The following MIPEP variants were observed in gnomAD, a reference collection of about 807,000 sequenced individuals.
The protein encoded by MIPEP is mitochondrial intermediate peptidase.
In MIPEP, 79 loss-of-function variants were observed where a neutral mutation model predicts 90.3. The observed-to-expected ratio is 0.87, with a 90% confidence interval of 0.73 to 1.05. The LOEUF (loss-of-function observed/expected upper bound fraction) is 1.05. Ranked by LOEUF, MIPEP falls within the 50% of genes least tolerant of loss-of-function variation. MIPEP has a pLI of 0.00. For missense variants in MIPEP, 940 were observed against 905.6 expected (o/e 1.04, Z -0.49); for synonymous variants, 334 against 315.8 (o/e 1.06, Z -0.61).
At chr13:23,842,660 G>C (rs1869351037) in intron 10 of MIPEP, 2 of 152,326 alleles carry the variant, frequency 1.3e-5, no homozygotes, top group South Asian at 4.1e-4. Context: ...TCCTGGGCCT[G>C]GTGCAGTGGG....
rs527374715 is a variant in MIPEP at position 23,733,140 on chromosome 13, A to C, written c.2045-2695T>G. On this transcript the variant is annotated intron_variant, in intron 18 of 18. Coordinates refer to ENST00000382172, the MANE Select transcript of MIPEP (RefSeq NM_005932.4). Reference sequence around the variant, plus strand: ...GAATATTTGAAAAATTTTAACATAAAATCTTGAGAAAAAGTAAACTGTAGA... The same window carrying C: ...GAATATTTGAAAAATTTTAACATAACATCTTGAGAAAAAGTAAACTGTAGA... Among the ~76,000 whole-genome samples the C allele has an allele frequency of 6.2e-4, 94 of 152,330 alleles. 1 individual carries two copies. Among genetic ancestry groups the C allele is most frequent in the Non-Finnish European group, 6.5e-4 (44 of 68,038 alleles).
At position 23,839,660 on chromosome 13, in the gene MIPEP, T is replaced by C; in HGVS notation, c.1327A>G (p.Lys443Glu). 6.2e-7 allele frequency: 1 copy of C among 1,612,914 alleles called. No individual in the cohort carries two copies. The highest frequency in any genetic ancestry group is 8.5e-7 in the Non-Finnish European group (1 of 1,179,360). The change falls in exon 12 of 19, where the codon AAA becomes GAA. Residue 443 changes from lysine to glutamate, a missense_variant. Physicochemically the swap from Lys to Glu is moderately conservative, Grantham distance 56. Transcript: ENST00000382172. Reference protein sequence around the residue: ...IYCDFFQRADKPHQDCHFTIR... With the variant: ...IYCDFFQRADEPHQDCHFTIR... ...AAAGAAAGGATCACCTGATGTGGTT[T>C]GTCTGCTCGCTGAAAAAAATCACAG... is the stretch of plus-strand genomic sequence containing the variant.
At chr13:23,856,412 A>C (rs1019399263) in intron 10 of MIPEP, among the ~76,000 whole-genome samples, 2 of 152,224 alleles carry the variant, frequency 1.3e-5, no homozygotes, top group African/African-American at 4.8e-5. Flanking sequence ...GTAAAACAAA[A>C]GTAGGTTGTG....
chr13:23,836,351 T>C lies in MIPEP; in HGVS notation c.1544-2A>G. 1 of 1,543,536 alleles carries C rather than the reference T, an allele frequency of 6.5e-7. No individual in the cohort carries two copies. The highest frequency in any genetic ancestry group is 2.2e-5 in the Admixed American group (1 of 45,656). On this transcript the variant is annotated splice_acceptor_variant, in intron 13 of 18. Coordinates refer to ENST00000382172, the MANE Select transcript of MIPEP (RefSeq NM_005932.4). LOFTEE classifies it high-confidence loss of function. The stretch of plus-strand genomic sequence containing the variant: ...CAAAATCAGTAGGGCACCTGGTCCC[T>C]AAAACAAGAAAAAAAAAAAAGTTGG...
intron 10 of MIPEP, among the ~76,000 whole-genome samples, chr13:23,857,119 G>T (rs1324627495): frequency 6.6e-6 from 1 of 151,902 alleles, no homozygotes; most frequent in Non-Finnish European, 1.5e-5. Flanking sequence ...TCTTTAACAG[G>T]TGAAACAACC....
At chr13:23,828,373 G>C (rs188521982) in intron 14 of MIPEP, among the ~76,000 whole-genome samples, 1 of 152,140 alleles carries the variant, frequency 6.6e-6, no homozygotes, top group South Asian at 2.1e-4. Context: ...GGTTGGAAAG[G>C]AAAAATAAAG....
chr13:23,730,237 C>A lies in MIPEP; in HGVS notation c.*111G>T. On this transcript the variant is annotated 3_prime_UTR_variant, in exon 19 of 19. Coordinates refer to ENST00000382172, the MANE Select transcript of MIPEP (RefSeq NM_005932.4). Reference sequence around the variant, plus strand: ...CAAGTTCTACCAGTTTAAAGTTTTTCAGAATTACAGAAGCGAACAATGAAA... The same window carrying A: ...CAAGTTCTACCAGTTTAAAGTTTTTAAGAATTACAGAAGCGAACAATGAAA... 1.4e-6 allele frequency: 1 copy of A among 699,560 alleles called. No individual in the cohort carries two copies. 43.3% of individuals were successfully genotyped at this position (699,560 alleles called of 1,614,324 possible).
At chr13:23,811,098 T>C (rs1352889831) in intron 14 of MIPEP, among the ~76,000 whole-genome samples, 2 of 152,222 alleles carry the variant, frequency 1.3e-5, no homozygotes, top group African/African-American at 4.8e-5. Flanking sequence ...AACAGGATTT[T>C]TAACAGTCAA....
intron 18 of MIPEP, among the ~76,000 whole-genome samples, chr13:23,737,617 T>C (rs1292251501): frequency 1.3e-5 from 2 of 152,230 alleles, no homozygotes; most frequent in Non-Finnish European, 2.9e-5. Context: ...ATAATGAACA[T>C]ATAATCCAAC....
chr13:23,869,882 G>A (rs1426042988), intron 6 of MIPEP, 131 bp downstream of exon 6: 1 of 563,182 alleles, frequency 1.8e-6, no homozygotes, highest in African/African-American at 1.9e-5. Flanking sequence ...AATTCCACAA[G>A]TTAAATTTTT....
intron 10 of MIPEP, among the ~76,000 whole-genome samples, chr13:23,849,214 C>T (rs1489706034): frequency 6.6e-6 from 1 of 152,220 alleles, no homozygotes; most frequent in African/African-American, 2.4e-5. Context: ...AGATGCTACA[C>T]ATAAGAACAT....
chr13:23,757,956 T>C (rs1347485162), intron 17 of MIPEP, among the ~76,000 whole-genome samples: 1 of 152,240 alleles, frequency 6.6e-6, no homozygotes, highest in Non-Finnish European at 1.5e-5. Context: ...TGTTTCCATT[T>C]GAGAAGCTCT....
intron 18 of MIPEP, among the ~76,000 whole-genome samples, chr13:23,740,550 A>G (rs889505797): frequency 1.3e-5 from 2 of 152,106 alleles, no homozygotes; most frequent in Admixed American, 6.5e-5. Context: ...AAAGAATTTA[A>G]TGATGTCTAG....
intron 16 of MIPEP, among the ~76,000 whole-genome samples, chr13:23,774,756 GC>G (rs1325396599): frequency 6.8e-6 from 1 of 146,294 alleles, no homozygotes; most frequent in Non-Finnish European, 1.5e-5. Context: ...CTCATACCAT[GC>G]AACCCTGCTG....
At chr13:23,754,803 C>A (rs1188407327) in intron 18 of MIPEP, among the ~76,000 whole-genome samples, 1 of 152,160 alleles carries the variant, frequency 6.6e-6, no homozygotes, top group African/African-American at 2.4e-5. Flanking sequence ...CTGGCGCTAC[C>A]AACCACCAGC....
intron 16 of MIPEP, among the ~76,000 whole-genome samples, chr13:23,800,891 A>C (rs986559342): frequency 1.3e-5 from 2 of 152,210 alleles, no homozygotes; most frequent in Non-Finnish European, 2.9e-5. Context: ...AAGCCAGCTC[A>C]ATGTTGTTTA....
intron 10 of MIPEP, chr13:23,842,646 T>C (rs1419947313): frequency 1.3e-5 from 2 of 152,336 alleles, no homozygotes; most frequent in Non-Finnish European, 2.9e-5. Flanking sequence ...CCAACTACAC[T>C]GTGTCCTGGG....
chr13:23,775,094 C>A (rs1952698760), intron 16 of MIPEP, among the ~76,000 whole-genome samples: 1 of 146,262 alleles, frequency 6.8e-6, no homozygotes, highest in Non-Finnish European at 1.5e-5. Context: ...TCACTGCACC[C>A]AGCCTATCAG....
intron 16 of MIPEP, among the ~76,000 whole-genome samples, chr13:23,773,886 T>C (rs774843854): frequency 6.6e-6 from 1 of 152,198 alleles, no homozygotes; most frequent in Non-Finnish European, 1.5e-5. Flanking sequence ...GTTCTTTGGA[T>C]ACAAATTTGA....
Sources: gnomAD v4.1 joint callset for allele counts (sites outside exome capture counted in the v4.1 genomes callset) on GRCh38, gnomAD v4.1.1 for gene constraint, MANE v1.5 for transcripts, NCBI Gene and HGNC (gene_info 2026-07-23, HGNC 2026-07-21) for gene names.